TMEM114: variants seen among roughly 807,000 people sequenced by gnomAD.
TMEM114 encodes claudin-26.
In TMEM114, 6 loss-of-function variants were observed where a neutral mutation model predicts 6.2. The ratio of observed to expected loss-of-function variants is 0.97; its 90% CI spans 0.53 to 1.91. TMEM114 has a LOEUF of 1.91. Ranked by LOEUF, TMEM114 falls within the 40% of genes most tolerant of loss-of-function variation. TMEM114 has a pLI of 0.01. For synonymous variants in TMEM114, 104 were observed against 73.0 expected (o/e 1.42, Z -2.16); for missense variants, 218 against 158.3 (o/e 1.38, Z -2.02).
the TMEM114 span, among the ~76,000 whole-genome samples, chr16:8,528,735 A>G: frequency 6.6e-6 from 1 of 152,258 alleles, no homozygotes; most frequent in East Asian, 1.9e-4. Flanking sequence ...ATAAAGCATG[A>G]AAGTGCTAAG....
chr16:8,570,538 G>GCA (rs1901701645), intron 3 of TMEM114, among the ~76,000 whole-genome samples: 1 of 152,070 alleles, frequency 6.6e-6, no homozygotes, highest in Admixed American at 6.5e-5. Context: ...CACCATATTG[G>GCA]CCAGACTGGT....
chr16:8,572,330 C>G, intron 2 of TMEM114, 106 bp from the exon 3 acceptor site: 2 of 1,200,540 alleles, frequency 1.7e-6, no homozygotes, highest in African/African-American at 1.5e-5. Context: ...AAAATCCACA[C>G]TGTCACTGCC....
intron 2 of TMEM114, among the ~76,000 whole-genome samples, chr16:8,586,857 C>T (rs1902338424): frequency 6.6e-6 from 1 of 152,168 alleles, no homozygotes; most frequent in African/African-American, 2.4e-5. Context: ...CTCACAGTTT[C>T]CCCTTGTGCA....
At chr16:8,553,943 A>T (rs1198631009) in intron 2 of TMEM114, among the ~76,000 whole-genome samples, 3 of 151,496 alleles carry the variant, frequency 2.0e-5, no homozygotes, top group African/African-American at 7.3e-5. Flanking sequence ...CAGTGGTGCA[A>T]TCTCAGCTCA....
In TMEM114 at chr16:8,590,007, C is replaced by G; in HGVS notation, c.-169G>C. The G allele has an allele frequency of 2.6e-6, 1 of 382,778 alleles. No homozygotes were observed. Among genetic ancestry groups the G allele is most frequent in the East Asian group, 3.8e-5 (1 of 26,522 alleles). 23.7% of individuals were successfully genotyped at this position (382,778 alleles called of 1,614,324 possible). ...TTGGACCCCGGGCCCTAGCTTAGAC[C>G]CTGGCTCCTCACCTGCCGGCTCCGA... is the stretch of plus-strand genomic sequence containing the variant. On this transcript the variant is annotated 5_prime_UTR_variant, in exon 1 of 4. Transcript: ENST00000620492.
At chr16:8,561,878 G>GAATGAGTA (rs1567201778) in intron 2 of TMEM114, among the ~76,000 whole-genome samples, 97 of 100,710 alleles carry the variant, frequency 9.6e-4, no homozygotes, top group African/African-American at 3.7e-3. Flanking sequence ...ATGAGTGAGT[G>GAATGAGTA]AATGAGTGAG....
chr16:8,580,879 A>G (rs1304367669), intron 2 of TMEM114, among the ~76,000 whole-genome samples: 1 of 152,080 alleles, frequency 6.6e-6, no homozygotes, highest in African/African-American at 2.4e-5. Flanking sequence ...CTTGGTAGAG[A>G]CAGCGTTTCA....
In TMEM114 at chr16:8,550,866, A is replaced by T. The variant is rs961716123; in HGVS notation, n.213-13040T>A. Among the ~76,000 whole-genome samples the T allele has an allele frequency of 3.9e-5, 6 of 152,282 alleles. No homozygotes were observed. In the East Asian group the frequency reaches 1.2e-3, roughly 29 times the overall value. ...CTGTGGTCCTCGCTGAACCCACAGGATAGAACATCCACTGCTCTCCTCCTG... is the reference window on the plus strand; with the variant it reads ...CTGTGGTCCTCGCTGAACCCACAGGTTAGAACATCCACTGCTCTCCTCCTG... On this transcript the variant is annotated intron_variant and non_coding_transcript_variant, in intron 2 of 2. Coordinates refer to the TMEM114 transcript ENST00000623677.
chr16:8,540,355 G>A (rs146647432), intron 2 of TMEM114, among the ~76,000 whole-genome samples: 74 of 152,202 alleles, frequency 4.9e-4, no homozygotes, highest in African/African-American at 1.7e-3. Context: ...CTGATCGCTC[G>A]CCTGCTGGGT....
downstream of TMEM114, among the ~76,000 whole-genome samples, chr16:8,567,847 C>G (rs1901596218): frequency 6.6e-6 from 1 of 152,198 alleles, no homozygotes; most frequent in African/African-American, 2.4e-5. Flanking sequence ...CTTTCGGTAG[C>G]ATGGTTGCCC....
At chr16:8,550,435 C>G (rs998703906) in intron 2 of TMEM114, among the ~76,000 whole-genome samples, 2 of 152,082 alleles carry the variant, frequency 1.3e-5, no homozygotes, top group African/African-American at 2.4e-5. Context: ...AATTCCAGCA[C>G]TTTGGGAGGC....
In TMEM114 at chr16:8,561,779, G is replaced by C. The variant is rs887439538; in HGVS notation, n.213-23953C>G. Among the ~76,000 whole-genome samples, 8 of 150,402 alleles carry C rather than the reference G, an allele frequency of 5.3e-5. 1 individual carries two copies. Among genetic ancestry groups the C allele is most frequent in the African/African-American group, 2.0e-4 (8 of 40,154 alleles). The stretch of plus-strand genomic sequence containing the variant: ...TGAATGAATGAGTGAGTGAGGTAAT[G>C]AGTGAATCAGTGAATAGTGAATGAG... On this transcript the variant is annotated intron_variant and non_coding_transcript_variant, in intron 2 of 2. Transcript: ENST00000623677.
chr16:8,529,452 G>T, the TMEM114 span, among the ~76,000 whole-genome samples: 4 of 152,166 alleles, frequency 2.6e-5, no homozygotes, highest in African/African-American at 9.7e-5. Flanking sequence ...TTGTTGAAGA[G>T]AATTGAATAT....
At chr16:8,547,071 G>A (rs1324243187) in intron 2 of TMEM114, among the ~76,000 whole-genome samples, 1 of 152,214 alleles carries the variant, frequency 6.6e-6, no homozygotes, top group Non-Finnish European at 1.5e-5. Context: ...GGTTGCTGCA[G>A]GTAAGTGTCC....
At chr16:8,554,213 T>C (rs955196078) in intron 2 of TMEM114, among the ~76,000 whole-genome samples, 1 of 151,886 alleles carries the variant, frequency 6.6e-6, no homozygotes, top group African/African-American at 2.4e-5. Context: ...TTCCCCTTTA[T>C]TCACTGCCTG....
chr16:8,551,483 G>T (rs1401566120), intron 2 of TMEM114, among the ~76,000 whole-genome samples: 1 of 152,154 alleles, frequency 6.6e-6, no homozygotes, highest in African/African-American at 2.4e-5. Context: ...CAAATTAGGT[G>T]AGCATTGCAT....
chr16:8,586,605 G>A (rs1596315712), intron 2 of TMEM114, among the ~76,000 whole-genome samples: 1 of 151,960 alleles, frequency 6.6e-6, no homozygotes, highest in African/African-American at 2.4e-5. Flanking sequence ...TGCCTCCCAG[G>A]TTCAAGCGAT....
downstream of TMEM114, among the ~76,000 whole-genome samples, chr16:8,567,465 A>C (rs1395843109): frequency 6.6e-6 from 1 of 152,212 alleles, no homozygotes; most frequent in Admixed American, 6.5e-5. Context: ...TGAGGTGCAC[A>C]CATGTTTTGG....
intron 2 of TMEM114, among the ~76,000 whole-genome samples, chr16:8,549,687 T>G (rs1900783163): frequency 6.6e-6 from 1 of 152,114 alleles, no homozygotes. Context: ...ATTATCTTTT[T>G]GTATGCGGGG....
Sources: allele counts gnomAD v4.1 joint callset (sites outside exome capture counted in the v4.1 genomes callset), GRCh38; gene constraint gnomAD v4.1.1; transcripts MANE v1.5; gene names NCBI Gene and HGNC (gene_info 2026-07-23, HGNC 2026-07-21).